Variants in UCHL3 observed in about 807,000 individuals in gnomAD.
UCHL3 encodes the protein ubiquitin carboxyl-terminal hydrolase isozyme L3.
Under a neutral mutation model 35.8 loss-of-function variants are expected in UCHL3, and 22 were observed. The observed-to-expected ratio is 0.61, with a 90% CI of 0.44 to 0.88. UCHL3 has a LOEUF of 0.88. Ranked by LOEUF, UCHL3 falls within the 40% of genes least tolerant of loss-of-function variation. UCHL3 has a pLI of 0.00. For missense variants in UCHL3, 229 were observed against 276.9 expected (o/e 0.83, Z 1.23); for synonymous variants, 90 against 92.8 (o/e 0.97, Z 0.17).
intron 7 of UCHL3, among the ~76,000 whole-genome samples, chr13:75,597,086 A>G (rs6562916): frequency 0.77 from 117,324 of 152,136 alleles, 46,009 homozygotes; most frequent in Middle Eastern, 0.89. Context: ...ACAAAGATGG[A>G]CAGTTGCTGA....
chr13:75,589,892 C>A, intron 6 of UCHL3: 1 of 1,253,504 alleles, frequency 8.0e-7, no homozygotes, highest in South Asian at 1.4e-5. Flanking sequence ...AAATGATCAC[C>A]CAGTAACGTG....
intron 6 of UCHL3, among the ~76,000 whole-genome samples, chr13:75,593,673 C>A (rs1344769516): frequency 6.6e-6 from 1 of 152,188 alleles, no homozygotes; most frequent in Non-Finnish European, 1.5e-5. Flanking sequence ...GCTAGAAGAG[C>A]TGGCTTGCCA....
chr13:75,593,161 G>A (rs534300882), intron 6 of UCHL3, among the ~76,000 whole-genome samples: 35 of 152,254 alleles, frequency 2.3e-4, no homozygotes, highest in African/African-American at 8.4e-4. Flanking sequence ...TTCATATCCT[G>A]TTGGAAAATT....
intron 6 of UCHL3, among the ~76,000 whole-genome samples, chr13:75,571,777 C>A (rs968616129): frequency 6.6e-6 from 1 of 152,122 alleles, no homozygotes; most frequent in East Asian, 1.9e-4. Context: ...GCTGTGTACT[C>A]CCATAAGAAT....
At chr13:75,579,584 C>A (rs897578386) in intron 6 of UCHL3, among the ~76,000 whole-genome samples, 1 of 151,932 alleles carries the variant, frequency 6.6e-6, no homozygotes, top group South Asian at 2.1e-4. Context: ...CTCCTTTCCT[C>A]CCCCCTTCTT....
intron 6 of UCHL3, among the ~76,000 whole-genome samples, chr13:75,577,409 A>G (rs1428640831): frequency 6.6e-6 from 1 of 152,242 alleles, no homozygotes; most frequent in African/African-American, 2.4e-5. Context: ...GAGATGATTT[A>G]AAGTATACAG....
intron 2 of UCHL3, among the ~76,000 whole-genome samples, chr13:75,552,346 CT>C (rs1280751995): frequency 1.3e-5 from 2 of 152,340 alleles, no homozygotes; most frequent in East Asian, 3.9e-4. Flanking sequence ...ATCCCACTCT[CT>C]TTTATTTCCT....
intron 7 of UCHL3, among the ~76,000 whole-genome samples, chr13:75,599,355 A>T (rs1353104213): frequency 2.0e-5 from 3 of 152,154 alleles, no homozygotes; most frequent in African/African-American, 7.2e-5. Context: ...TTATGTATGT[A>T]GAATTTCCTC....
chr13:75,558,383 G>T (rs1414474450), intron 2 of UCHL3, among the ~76,000 whole-genome samples: 2 of 152,136 alleles, frequency 1.3e-5, no homozygotes, highest in East Asian at 1.9e-4. Context: ...TACAGTACTT[G>T]CTGATTTTGT....
chr13:75,549,540 G>A (rs575385099), upstream of UCHL3: 2 of 426,050 alleles, frequency 4.7e-6, no homozygotes, highest in Admixed American at 4.2e-5. Context: ...CAAGCGTGAG[G>A]GGAGAGGGCT....
At chr13:75,569,583 G>A in intron 6 of UCHL3, 76 bp downstream of exon 6, 2 of 1,347,508 alleles carry the variant, frequency 1.5e-6, no homozygotes, top group Non-Finnish European at 2.1e-6. Context: ...TTTAACCATA[G>A]TATTATTGTA....
intron 2 of UCHL3, among the ~76,000 whole-genome samples, chr13:75,559,706 T>C (rs2031428743): frequency 6.6e-6 from 1 of 152,220 alleles, no homozygotes; most frequent in Admixed American, 6.5e-5. Flanking sequence ...CCTTTTTTGT[T>C]TGTTTTTAAT....
At chr13:75,571,232 C>A (rs2031848117) in intron 6 of UCHL3, among the ~76,000 whole-genome samples, 1 of 152,126 alleles carries the variant, frequency 6.6e-6, no homozygotes, top group African/African-American at 2.4e-5. Context: ...AATACATATT[C>A]ACTACAAAAA....
intron 4 of UCHL3, 140 bp downstream of exon 4, chr13:75,566,991 CTG>C: frequency 9.6e-7 from 1 of 1,045,776 alleles, no homozygotes; most frequent in African/African-American, 1.6e-5. Context: ...AATGTATATA[CTG>C]TTAGAAGAAA....
At chr13:75,578,243 AATTT>A (rs71201185) in intron 6 of UCHL3, among the ~76,000 whole-genome samples, 66,321 of 151,392 alleles carry the variant, frequency 0.44, 15,966 homozygotes, top group East Asian at 0.59. Context: ...AGTAAACCAC[AATTT>A]ATTTTTCATT....
intron 2 of UCHL3, among the ~76,000 whole-genome samples, chr13:75,550,270 C>G (rs1306298001): frequency 6.6e-6 from 1 of 152,160 alleles, no homozygotes; most frequent in Admixed American, 6.6e-5. Flanking sequence ...CCCTGTATTC[C>G]TATTCCCCTT....
intron 6 of UCHL3, among the ~76,000 whole-genome samples, chr13:75,587,648 C>T (rs1406464363): frequency 6.6e-6 from 1 of 152,126 alleles, no homozygotes; most frequent in African/African-American, 2.4e-5. Flanking sequence ...ATAGTCAAAT[C>T]TGGGTGTTTC....
intron 6 of UCHL3, among the ~76,000 whole-genome samples, chr13:75,592,535 AT>A (rs2032540889): frequency 9.4e-6 from 1 of 106,940 alleles, no homozygotes. Flanking sequence ...TTTCTTGGTC[AT>A]TTTTTGAAAC....
At chr13:75,569,696 A>G (rs2031792916) in intron 6 of UCHL3, among the ~76,000 whole-genome samples, 189 bp downstream of exon 6, 1 of 152,216 alleles carries the variant, frequency 6.6e-6, no homozygotes, top group Admixed American at 6.5e-5. Context: ...ATGTTTTGAC[A>G]AGCTGTTAAG....
Sources: gnomAD v4.1 joint callset for allele counts (sites outside exome capture counted in the v4.1 genomes callset) on GRCh38, gnomAD v4.1.1 for gene constraint, MANE v1.5 for transcripts, NCBI Gene and HGNC (gene_info 2026-07-23, HGNC 2026-07-21) for gene names.